Variants in ZC3H18 observed in about 807,000 individuals in gnomAD.
ZC3H18 encodes zinc finger CCCH-type containing 18.
A neutral mutation model predicts 106.1 loss-of-function variants in ZC3H18; 8 were observed. The observed-to-expected ratio is 0.08, with a 90% CI of 0.04 to 0.14. ZC3H18 has a LOEUF of 0.14. ZC3H18 is among the 10% of genes least tolerant of loss of function. The pLI is 1.00. For missense variants in ZC3H18, 1,318 were observed against 1,278.4 expected (o/e 1.03, Z -0.47); for synonymous variants, 635 against 522.1 (o/e 1.22, Z -2.95).
rs761775037 is a variant in ZC3H18, at chr16:88,623,307, T to A, written c.1756T>A (p.Ser586Thr). The change falls in exon 10 of 18, where the codon TCT (serine) becomes ACT (threonine). Residue 586 changes from serine (S) to threonine (T), a missense_variant. By Grantham distance (58) the Ser-to-Thr change is moderately conservative. Transcript: ENST00000301011. Reference sequence around the variant, plus strand: ...ATCCTACAGCTCCTACTCCAGCCGCTCTTCCAGACACAGCTCGTTCTCAGG... The same window carrying A: ...ATCCTACAGCTCCTACTCCAGCCGCACTTCCAGACACAGCTCGTTCTCAGG... ...SSSYSSYSSR[S>T]SRHSSFSGSR... 6.2e-7 allele frequency: 1 copy of A among 1,613,850 alleles called. No individual in the cohort carries two copies. Among genetic ancestry groups the A allele is most frequent in the South Asian group, 1.1e-5 (1 of 91,084 alleles).
intron 8 of ZC3H18, among the ~76,000 whole-genome samples, chr16:88,612,119 T>A (rs1220511313): frequency 6.6e-6 from 1 of 152,192 alleles, no homozygotes; most frequent in Non-Finnish European, 1.5e-5. Flanking sequence ...TCAAGACCCA[T>A]GAGACAGGCA....
At chr16:88,613,999 C>T (rs1009131899) in intron 8 of ZC3H18, among the ~76,000 whole-genome samples, 8 of 152,176 alleles carry the variant, frequency 5.3e-5, no homozygotes, top group African/African-American at 1.7e-4. Context: ...TGTCACCGTC[C>T]CCGTGGGGGT....
chr16:88,615,610 A>C (rs1157101083), intron 8 of ZC3H18, among the ~76,000 whole-genome samples: 1 of 152,190 alleles, frequency 6.6e-6, no homozygotes, highest in East Asian at 1.9e-4. Context: ...TGCTTTCCAG[A>C]TTCACAAAAT....
intron 3 of ZC3H18, among the ~76,000 whole-genome samples, chr16:88,588,865 C>T (rs576927218): frequency 1.7e-3 from 253 of 151,222 alleles, no homozygotes; most frequent in Non-Finnish European, 2.9e-3. Flanking sequence ...CCAGCCTGGG[C>T]GACAGTGAGA....
At chr16:88,577,042 G>C (rs1914794923) in intron 1 of ZC3H18, 68 bp from the exon 2 acceptor site, 7 of 1,487,364 alleles carry the variant, frequency 4.7e-6, no homozygotes, top group Non-Finnish European at 6.3e-6. Context: ...CTTCAGGCCA[G>C]GAAAGTAGGG....
At chr16:88,620,711 G>A (rs1237694267) in intron 8 of ZC3H18, among the ~76,000 whole-genome samples, 1 of 152,022 alleles carries the variant, frequency 6.6e-6, no homozygotes, top group Non-Finnish European at 1.5e-5. Flanking sequence ...CACACTGCTG[G>A]CTGAATGAGG....
Position 88,611,459 on chromosome 16 carries a change from G to A in ZC3H18, c.1398G>A (p.Gln466=), listed in dbSNP as rs771181362. 7 of 1,540,900 alleles carry A rather than the reference G, an allele frequency of 4.5e-6. No individual in the cohort carries two copies. The South Asian group carries it at 8.3e-5, about 18-fold the overall frequency. ...CCAAGCGGGACGAGAAGGACCGGCA[G>A]CACCGTGACCGCGACCGGGAGAAGG... ...ERAKRDEKDR[Q]HRDRDREKER... The change falls in exon 8 of 18, where the codon CAG becomes CAA. Residue 466 remains glutamine, a synonymous_variant. Transcript: ENST00000301011.
At chr16:88,616,227 CTG>C (rs1291858817) in intron 8 of ZC3H18, among the ~76,000 whole-genome samples, 1 of 152,162 alleles carries the variant, frequency 6.6e-6, no homozygotes, top group Non-Finnish European at 1.5e-5. Context: ...TCAGGAAACT[CTG>C]TACTAAATGA....
intron 11 of ZC3H18, 136 bp from the exon 12 acceptor site, chr16:88,624,466 C>A: frequency 7.3e-7 from 1 of 1,365,264 alleles, no homozygotes; most frequent in Non-Finnish European, 1.0e-6. Context: ...GGAGCCGTGT[C>A]CAGGCACGAG....
At chr16:88,570,768 A>T (rs2142500597) in intron 1 of ZC3H18, among the ~76,000 whole-genome samples, 1 of 151,206 alleles carries the variant, frequency 6.6e-6, no homozygotes, top group African/African-American at 2.4e-5. Context: ...TTCCGTCCGT[A>T]AGCCGGCCCC....
intron 3 of ZC3H18, among the ~76,000 whole-genome samples, chr16:88,594,853 A>G (rs531423396): frequency 6.6e-6 from 1 of 152,352 alleles, no homozygotes; most frequent in East Asian, 1.9e-4. Context: ...AAAGATTAAT[A>G]AGAGAATAAA....
At chr16:88,626,666 A>G (rs1230400177) in intron 13 of ZC3H18, 2 of 151,768 alleles carry the variant, frequency 1.3e-5, no homozygotes, top group Non-Finnish European at 2.9e-5. Flanking sequence ...ATGTTTCTTA[A>G]TAAGTCTGAA....
intron 7 of ZC3H18, among the ~76,000 whole-genome samples, chr16:88,609,598 G>C (rs574439300): frequency 1.3e-5 from 2 of 149,228 alleles, no homozygotes; most frequent in Admixed American, 6.7e-5. Context: ...CACTGCGCCC[G>C]GCCTGGGTTG....
At chr16:88,603,960 A>G (rs552802252) in intron 6 of ZC3H18, among the ~76,000 whole-genome samples, 1 of 151,960 alleles carries the variant, frequency 6.6e-6, no homozygotes. Context: ...AATAATAATA[A>G]TACTTTGCTA....
At chr16:88,587,708 G>A (rs1915517857) in intron 3 of ZC3H18, 7 of 1,245,340 alleles carry the variant, frequency 5.6e-6, no homozygotes, top group Non-Finnish European at 7.9e-6. Flanking sequence ...ACACAGCTGT[G>A]AAGCCAGAAG....
At chr16:88,582,516 C>T (rs976303668) in intron 2 of ZC3H18, among the ~76,000 whole-genome samples, 3 of 152,154 alleles carry the variant, frequency 2.0e-5, no homozygotes, top group African/African-American at 4.8e-5. Flanking sequence ...GATTCTTCAG[C>T]GAGCCTCATG....
chr16:88,611,628 G>A, intron 8 of ZC3H18, 92 bp downstream of exon 8: 1 of 1,478,262 alleles, frequency 6.8e-7, no homozygotes, highest in Non-Finnish European at 9.0e-7. Flanking sequence ...CCCCTCTGTG[G>A]CCCACAGCTC....
chr16:88,584,907 A>G (rs552481452), intron 2 of ZC3H18, among the ~76,000 whole-genome samples: 2 of 152,364 alleles, frequency 1.3e-5, no homozygotes, highest in South Asian at 4.1e-4. Flanking sequence ...CTCACTTCCA[A>G]GTAAGGCAGG....
chr16:88,578,163 A>G (rs1914880648), intron 2 of ZC3H18, among the ~76,000 whole-genome samples: 4 of 152,308 alleles, frequency 2.6e-5, no homozygotes, highest in African/African-American at 9.6e-5. Context: ...GAAATTTTCC[A>G]TCTGGTTTTG....
Sources: allele counts gnomAD v4.1 joint callset (sites outside exome capture counted in the v4.1 genomes callset), GRCh38; gene constraint gnomAD v4.1.1; transcripts MANE v1.5; gene names NCBI Gene and HGNC (gene_info 2026-07-23, HGNC 2026-07-21).